Variants in SLC35F4 observed in about 807,000 individuals in gnomAD.
The protein encoded by SLC35F4 is chromosome 14 open reading frame 36.
Under a neutral mutation model 44.2 loss-of-function variants are expected in SLC35F4, and 24 were observed. The observed-to-expected ratio is 0.54, with a 90% CI of 0.39 to 0.76. The LOEUF (loss-of-function observed/expected upper bound fraction) is 0.76, where lower values mean the gene tolerates loss of function less well. Ranked by LOEUF, SLC35F4 falls within the 30% of genes least tolerant of loss-of-function variation. The pLI is 0.00. For missense variants in SLC35F4, 562 were observed against 586.1 expected (o/e 0.96, Z 0.42); for synonymous variants, 238 against 223.6 (o/e 1.06, Z -0.57).
chr14:57,917,280 C>T (rs1889347660), intron 1 of SLC35F4, among the ~76,000 whole-genome samples: 2 of 152,098 alleles, frequency 1.3e-5, no homozygotes, highest in Non-Finnish European at 2.9e-5. Flanking sequence ...AGGCTGGTCT[C>T]GAACTCCTGA....
intron 1 of SLC35F4, among the ~76,000 whole-genome samples, chr14:57,862,387 A>G (rs1197499445): frequency 6.6e-6 from 1 of 152,210 alleles, no homozygotes; most frequent in Non-Finnish European, 1.5e-5. Context: ...ATCTTTGTGT[A>G]AGATAAGTCA....
intron 1 of SLC35F4, among the ~76,000 whole-genome samples, chr14:57,700,589 C>T (rs1239063735): frequency 2.0e-5 from 3 of 152,004 alleles, no homozygotes; most frequent in Non-Finnish European, 2.9e-5. Context: ...GCTTAAAACA[C>T]ACATTGTATA....
intron 1 of SLC35F4, among the ~76,000 whole-genome samples, chr14:57,709,077 T>C (rs2075751959): frequency 6.6e-6 from 1 of 152,126 alleles, no homozygotes; most frequent in Non-Finnish European, 1.5e-5. Flanking sequence ...CACAGGGAGA[T>C]GGTTAGGCCT....
At chr14:57,819,145 A>G (rs909305162) in intron 1 of SLC35F4, among the ~76,000 whole-genome samples, 16 of 152,216 alleles carry the variant, frequency 1.1e-4, no homozygotes, top group African/African-American at 3.6e-4. Flanking sequence ...AAATCTGTAA[A>G]GAAATTACTA....
chr14:57,945,098 T>C (rs11848471), intron 1 of SLC35F4, among the ~76,000 whole-genome samples: 15,298 of 152,244 alleles, frequency 0.1, 1,373 homozygotes, highest in African/African-American at 0.23. Flanking sequence ...CATAGTTTAC[T>C]ATGGCATGCA....
intron 1 of SLC35F4, among the ~76,000 whole-genome samples, chr14:57,822,988 C>T (rs1883335512): frequency 6.6e-6 from 1 of 152,092 alleles, no homozygotes; most frequent in Non-Finnish European, 1.5e-5. Flanking sequence ...ATCTCCAGCT[C>T]GAAATTCTCT....
chr14:57,944,301 C>A (rs995274431), intron 1 of SLC35F4, among the ~76,000 whole-genome samples: 1 of 152,146 alleles, frequency 6.6e-6, no homozygotes, highest in Non-Finnish European at 1.5e-5. Flanking sequence ...TTATAAGTGA[C>A]CTTTCGCATA....
chr14:57,577,017 A>T (rs1594910537), intron 4 of SLC35F4, among the ~76,000 whole-genome samples: 1 of 151,994 alleles, frequency 6.6e-6, no homozygotes, highest in East Asian at 1.9e-4. Flanking sequence ...AGGGAGGATG[A>T]CTCCCACTGT....
chr14:57,765,879 G>A (rs2077222936), intron 1 of SLC35F4, among the ~76,000 whole-genome samples: 1 of 152,190 alleles, frequency 6.6e-6, no homozygotes. Flanking sequence ...TAAATGCTCA[G>A]CAAAGGCCTG....
chr14:57,729,107 T>C (rs1338396311), intron 1 of SLC35F4, among the ~76,000 whole-genome samples: 1 of 152,056 alleles, frequency 6.6e-6, no homozygotes, highest in African/African-American at 2.4e-5. Flanking sequence ...CCTTTAGGAG[T>C]TTAATTATTA....
intron 1 of SLC35F4, among the ~76,000 whole-genome samples, chr14:57,898,312 G>A (rs1414262): frequency 0.12 from 18,406 of 152,284 alleles, 1,364 homozygotes; most frequent in East Asian, 0.4. Flanking sequence ...CACCACATCA[G>A]TGTGCTTGAA....
chr14:57,596,498 A>T (rs1374338377), intron 1 of SLC35F4: 3 of 343,412 alleles, frequency 8.7e-6, no homozygotes, highest in South Asian at 7.0e-5. Flanking sequence ...GAGTCTTTTA[A>T]AATTTATCTT....
intron 2 of SLC35F4, among the ~76,000 whole-genome samples, chr14:57,590,409 G>C (rs1040577388): frequency 2.0e-5 from 3 of 151,628 alleles, no homozygotes; most frequent in Non-Finnish European, 4.4e-5. Context: ...AAATGCAACA[G>C]AGATGATTAT....
At chr14:57,866,859 G>A (rs950251604), upstream of SLC35F4, among the ~76,000 whole-genome samples, 1 of 151,924 alleles carries the variant, frequency 6.6e-6, no homozygotes, top group Admixed American at 6.6e-5. Context: ...CCCCTCAGGT[G>A]TGGGACTCTT....
At chr14:57,880,905 G>A (rs751007103) in intron 1 of SLC35F4, among the ~76,000 whole-genome samples, 4 of 152,162 alleles carry the variant, frequency 2.6e-5, no homozygotes, top group Non-Finnish European at 4.4e-5. Context: ...TAAAGGATTC[G>A]TTCATAAAGG....
chr14:57,826,073 A>G (rs1419360938), intron 1 of SLC35F4, among the ~76,000 whole-genome samples: 1 of 152,226 alleles, frequency 6.6e-6, no homozygotes, highest in Non-Finnish European at 1.5e-5. Flanking sequence ...CTAAGCAAAA[A>G]GAACAAAGCT....
At chr14:57,597,875 C>A (rs1351233437) in intron 1 of SLC35F4, among the ~76,000 whole-genome samples, 1 of 152,164 alleles carries the variant, frequency 6.6e-6, no homozygotes, top group Admixed American at 6.5e-5. Flanking sequence ...TGAAAAGGAG[C>A]TGTCTAATTG....
intron 1 of SLC35F4, among the ~76,000 whole-genome samples, chr14:57,920,421 A>G (rs10148287): frequency 0.22 from 33,340 of 151,948 alleles, 3,918 homozygotes; most frequent in East Asian, 0.41. Flanking sequence ...CAAAACTAAA[A>G]AATTAGCCAG....
intron 1 of SLC35F4, among the ~76,000 whole-genome samples, chr14:57,903,404 C>G (rs2141046527): frequency 6.6e-6 from 1 of 152,298 alleles, no homozygotes; most frequent in East Asian, 1.9e-4. Flanking sequence ...GCTAAACTGA[C>G]TTAGCAAGAT....
Sources: allele counts gnomAD v4.1 joint callset (sites outside exome capture counted in the v4.1 genomes callset), GRCh38; gene constraint gnomAD v4.1.1; transcripts MANE v1.5; gene names NCBI Gene and HGNC (gene_info 2026-07-23, HGNC 2026-07-21).